The following THAP12 variants were observed in gnomAD, a reference collection of about 807,000 sequenced individuals.
The protein encoded by THAP12 is THAP domain containing 12, also known as 52 kDa repressor of the inhibitor of the protein kinase.
In THAP12, 20 loss-of-function variants were observed where a neutral mutation model predicts 63.0. The observed-to-expected ratio is 0.32, with a 90% confidence interval of 0.22 to 0.46. The LOEUF (loss-of-function observed/expected upper bound fraction) is 0.46. THAP12 is among the 20% of genes least tolerant of loss of function. The pLI, the probability that THAP12 is intolerant of heterozygous loss-of-function variation, is 1.00. For synonymous variants in THAP12, 264 were observed against 328.4 expected, an observed-to-expected ratio of 0.80 and a Z score of 2.12; for missense variants, 568 against 908.2, an observed-to-expected ratio of 0.63 and a Z score of 4.81.
At chr11:76,357,354 G>C (rs892003596) in intron 3 of THAP12, 1 of 152,004 alleles carries the variant, frequency 6.6e-6, no homozygotes, top group African/African-American at 2.4e-5. Context: ...ATTCATCTAA[G>C]TCCCAGGAAA....
At chr11:76,361,298 T>G (rs1306676106) in intron 2 of THAP12, 2 of 422,700 alleles carry the variant, frequency 4.7e-6, no homozygotes, top group South Asian at 3.6e-5. Context: ...GCATAAAATA[T>G]AAAATGTACT....
chr11:76,375,748 G>C (rs934363498), intron 1 of THAP12, among the ~76,000 whole-genome samples: 4 of 2,104 alleles, frequency 1.9e-3, no homozygotes, highest in African/African-American at 3.2e-3. Context: ...AAGAAAAGGT[G>C]GGGGGGGGGT....
rs1055292331 is a variant in THAP12, at chr11:76,359,826, G to C, written c.318+1130C>G. On this transcript the variant is annotated intron_variant, in intron 3 of 4. Coordinates refer to ENST00000260045, the MANE Select transcript of THAP12 (RefSeq NM_004705.4). ...TGGGTGAGAGTGAGACTCTGTCTCG[G>C]GGGGGAAAAAAAAAATCCATAGGGA... Among the ~76,000 whole-genome samples, 9 of 149,260 alleles carry C rather than the reference G, an allele frequency of 6.0e-5. No individual in the cohort carries two copies. The South Asian group carries it at 1.9e-3, about 31-fold the overall frequency.
chr11:76,362,357 G>T (rs1946603302), intron 2 of THAP12, among the ~76,000 whole-genome samples: 1 of 152,232 alleles, frequency 6.6e-6, no homozygotes, highest in Middle Eastern at 3.2e-3. Flanking sequence ...GGGAAGACAT[G>T]AAGGGAAAAC....
rs756630094 is a variant in THAP12, at chr11:76,352,528, G to A, written c.622C>T (p.Arg208Trp). 7.4e-6 allele frequency: 12 copies of A among 1,611,986 alleles called. No homozygotes were observed. The highest frequency in any genetic ancestry group is 1.0e-5 in the Non-Finnish European group (12 of 1,179,834). Residue 208 changes from arginine to tryptophan, a missense_variant, in exon 5 of 5, where the codon CGG (arginine) becomes TGG (tryptophan). By Grantham distance (101) the Arg-to-Trp change is moderately radical. Transcript: ENST00000260045. ...AGAACCTCTTCACCAGAATTTATCC[G>A]ACACTCCAGCAGTGCCTGAAAGTTA... ...PDNFQALLEC[R>W]INSGEEVLRK...
chr11:76,380,722 C>A, intron 1 of THAP12, 26 bp downstream of exon 1: 3 of 1,391,590 alleles, frequency 2.2e-6, no homozygotes, highest in Non-Finnish European at 2.8e-6. Context: ...TGGGCCCGGG[C>A]CGCCCGCTCT....
intron 1 of THAP12, among the ~76,000 whole-genome samples, chr11:76,378,561 T>C (rs1946727057): frequency 6.6e-6 from 1 of 152,132 alleles, no homozygotes; most frequent in South Asian, 2.1e-4. Context: ...CCATTTGGAG[T>C]TCATTTCTGT....
intron 1 of THAP12, among the ~76,000 whole-genome samples, chr11:76,369,133 G>GA (rs757209544): frequency 1.2e-4 from 18 of 150,470 alleles, no homozygotes; most frequent in South Asian, 4.2e-4. Flanking sequence ...ATACATAGAT[G>GA]AAAAAAAAAT....
At chr11:76,366,589 G>C (rs542177709) in intron 1 of THAP12, among the ~76,000 whole-genome samples, 1 of 152,046 alleles carries the variant, frequency 6.6e-6, no homozygotes, top group Admixed American at 6.5e-5. Flanking sequence ...GCTGAGGCAG[G>C]AGAATGGCGT....
chr11:76,364,043 C>T (rs541031256), intron 2 of THAP12, among the ~76,000 whole-genome samples: 2 of 152,300 alleles, frequency 1.3e-5, no homozygotes, highest in South Asian at 4.2e-4. Flanking sequence ...CTGTTCTATT[C>T]TCTAACTAAA....
At position 76,351,188 on chromosome 11, in the gene THAP12, T is replaced by C; in HGVS notation, c.1962A>G (p.Lys654=). The part of the protein sequence containing the change: ...CWRIKWKHRG[K]DIELPSTIYE... ...AGATGGTGGACGGAAGCTCTATATC[T>C]TTCCCCCTGTGTTTCCATTTGATTC... is the stretch of plus-strand genomic sequence containing the variant. The change falls in exon 5 of 5, where the codon AAA becomes AAG. Residue 654 remains lysine (K), a synonymous_variant. Coordinates refer to ENST00000260045, the MANE Select transcript of THAP12 (RefSeq NM_004705.4). The C allele has an allele frequency of 6.4e-7, 1 of 1,566,942 alleles. No homozygotes were observed.
chr11:76,361,072 G>T lies in THAP12; in HGVS notation c.211-9C>A. 2 of 1,543,690 alleles carry T rather than the reference G, an allele frequency of 1.3e-6. No homozygotes were observed. The highest frequency in any genetic ancestry group is 1.8e-6 in the Non-Finnish European group (2 of 1,119,136). ...ACTGTCCTATAAGGACTCTGAAAAA[G>T]AAAATTGTGTTAATTCAGAGATGGT... On this transcript the variant is annotated splice_polypyrimidine_tract_variant and intron_variant, in intron 2 of 4. Transcript: ENST00000260045.
Position 76,350,739 on chromosome 11 carries a change from T to A in THAP12, c.*125A>T. ...AGGGGCCATTTAAACAGGTAGATTA[T>A]CAATGGCTAATGTATTCAATGGAGT... On this transcript the variant is annotated 3_prime_UTR_variant, in exon 5 of 5. Transcript: ENST00000260045. 1 of 816,056 alleles carries A rather than the reference T, an allele frequency of 1.2e-6. No homozygotes were observed. Among genetic ancestry groups the A allele is most frequent in the Non-Finnish European group, 1.7e-6 (1 of 574,584 alleles). 50.6% of individuals were successfully genotyped at this position (816,056 alleles called of 1,614,324 possible).
intron 1 of THAP12, among the ~76,000 whole-genome samples, chr11:76,373,060 A>T (rs999480896): frequency 6.6e-6 from 1 of 152,208 alleles, no homozygotes; most frequent in Non-Finnish European, 1.5e-5. Context: ...AATTTACTGC[A>T]AGGGTAACAT....
chr11:76,363,544 A>G (rs1467014359), intron 2 of THAP12, among the ~76,000 whole-genome samples: 1 of 151,964 alleles, frequency 6.6e-6, no homozygotes, highest in East Asian at 1.9e-4. Context: ...TAATAAAGCC[A>G]AAACTCTTAA....
In THAP12 at chr11:76,350,476, T is replaced by A. The variant is rs1215208794; in HGVS notation, c.*388A>T. The A allele has an allele frequency of 6.4e-6, 1 of 156,214 alleles. No individual in the cohort carries two copies. The highest frequency in any genetic ancestry group is 2.1e-4 in the South Asian group (1 of 4,874). 9.7% of individuals were successfully genotyped at this position (156,214 alleles called of 1,614,324 possible). A position where few individuals can be genotyped will look rare whatever the true frequency, so the allele number is the denominator to read the frequency against. ...GTCAAAGGTCAATTGTGGGCTTCACTACAACATTTTATAAAATGTATTCCT... is the reference window on the plus strand; with the variant it reads ...GTCAAAGGTCAATTGTGGGCTTCACAACAACATTTTATAAAATGTATTCCT... On this transcript the variant is annotated 3_prime_UTR_variant, in exon 5 of 5. Transcript: ENST00000260045.
rs550883497 is a variant in THAP12 at position 76,351,644 on chromosome 11, C to T, written c.1506G>A (p.Gly502=). 1.9e-6 allele frequency: 3 copies of T among 1,582,970 alleles called. No homozygotes were observed. The highest frequency in any genetic ancestry group is 2.6e-6 in the Non-Finnish European group (3 of 1,163,786). The change falls in exon 5 of 5, where the codon GGG becomes GGA. Residue 502 remains glycine, a synonymous_variant. Coordinates refer to ENST00000260045, the MANE Select transcript of THAP12 (RefSeq NM_004705.4). ...CCGCAAAGAAGACATCAGAGGTTTG[C>T]CCCTGGAGGTTTTTCCCAAAGGCTC... ...FTRAFGKNLQ[G]QTSDVFFAAG... is the part of the protein sequence containing the mutation.
chr11:76,366,486 C>A (rs1055228586), intron 1 of THAP12, among the ~76,000 whole-genome samples: 23 of 152,192 alleles, frequency 1.5e-4, no homozygotes, highest in African/African-American at 5.5e-4. Context: ...TCGAGACCAT[C>A]CTGGCTAACC....
intron 2 of THAP12, chr11:76,364,259 T>C (rs886277273): frequency 4.5e-5 from 10 of 220,280 alleles, no homozygotes; most frequent in Non-Finnish European, 9.4e-5. Flanking sequence ...TGGTTGATCA[T>C]TATTACCCTT....
Sources: allele counts gnomAD v4.1 joint callset (sites outside exome capture counted in the v4.1 genomes callset), GRCh38; gene constraint gnomAD v4.1.1; transcripts MANE v1.5; gene names NCBI Gene and HGNC (gene_info 2026-07-23, HGNC 2026-07-21).